GRID2: variants seen among roughly 807,000 people sequenced by gnomAD.
GRID2 encodes glutamate receptor ionotropic, delta-2.
GRID2 carries 33 observed loss-of-function variants against 114.8 expected under a neutral mutation model. The ratio of observed to expected loss-of-function variants is 0.29; its 90% CI spans 0.22 to 0.38. The LOEUF (loss-of-function observed/expected upper bound fraction) is 0.38. Among genes scored for constraint, GRID2 ranks in the 10% least tolerant of loss-of-function variants. The probability of loss-of-function intolerance (pLI) is 1.00; values close to 1 mark genes in which losing one functional copy is unlikely to be tolerated. For missense variants in GRID2, 1,184 were observed against 1,257.7 expected (o/e 0.94, Z 0.89); for synonymous variants, 505 against 449.9 (o/e 1.12, Z -1.55).
chr4:92,617,082 G>A (rs554294738), intron 2 of GRID2, among the ~76,000 whole-genome samples: 85 of 151,042 alleles, frequency 5.6e-4, no homozygotes, highest in Admixed American at 1.8e-3. Context: ...CCTCTCTCTC[G>A]TTATTTGAAA....
intron 12 of GRID2, among the ~76,000 whole-genome samples, chr4:93,497,194 T>C (rs191384880): frequency 1.4e-3 from 209 of 151,894 alleles, no homozygotes; most frequent in Non-Finnish European, 1.9e-3. Context: ...AAAGGTGTTT[T>C]CATGCTTTTT....
intron 14 of GRID2, among the ~76,000 whole-genome samples, chr4:93,701,839 T>C (rs932421488): frequency 3.9e-5 from 6 of 151,984 alleles, no homozygotes; most frequent in Non-Finnish European, 8.8e-5. Flanking sequence ...TACATATATA[T>C]TTTTTAACAT....
At chr4:92,675,116 G>C (rs1733280580) in intron 2 of GRID2, among the ~76,000 whole-genome samples, 1 of 152,100 alleles carries the variant, frequency 6.6e-6, no homozygotes, top group South Asian at 2.1e-4. Flanking sequence ...CCAACAACTT[G>C]ATCTTTTGAG....
chr4:92,701,978 G>T (rs987746677), intron 2 of GRID2, among the ~76,000 whole-genome samples: 1 of 152,162 alleles, frequency 6.6e-6, no homozygotes, highest in African/African-American at 2.4e-5. Flanking sequence ...GGATAACAGC[G>T]CAATCCTATT....
intron 8 of GRID2, among the ~76,000 whole-genome samples, chr4:93,314,189 C>T (rs1463468301): frequency 2.0e-5 from 3 of 151,270 alleles, no homozygotes; most frequent in Non-Finnish European, 4.4e-5. Flanking sequence ...CCTGTAGTCC[C>T]AGCTACTCAG....
Position 92,360,627 on chromosome 4 carries a change from G to A in GRID2, c.88+55883G>A, listed in dbSNP as rs565398479. 7.9e-5 allele frequency among the ~76,000 whole-genome samples: 12 copies of A among 152,068 alleles called. No individual in the cohort carries two copies. The South Asian group carries it at 2.3e-3, about 29-fold the overall frequency. On this transcript the variant is annotated intron_variant, in intron 1 of 15. Transcript: ENST00000282020. ...CCACAGCCACCCAGCATTGTTCAAC[G>A]GTATCATGGAGGCTTCATAAGATTA... is the stretch of plus-strand genomic sequence containing the variant.
intron 8 of GRID2, among the ~76,000 whole-genome samples, chr4:93,251,808 T>G (rs1441589041): frequency 6.6e-6 from 1 of 152,152 alleles, no homozygotes; most frequent in Non-Finnish European, 1.5e-5. Context: ...GATAATGGCC[T>G]CCTTCCATGT....
chr4:92,333,026 A>G (rs72660100), intron 1 of GRID2, among the ~76,000 whole-genome samples: 3,598 of 152,312 alleles, frequency 0.024, 60 homozygotes, highest in Non-Finnish European at 0.033. Flanking sequence ...TCTTGAAGGC[A>G]GCCCTGCCTC....
At chr4:93,279,039 A>G (rs183722141) in intron 8 of GRID2, among the ~76,000 whole-genome samples, 9 of 151,950 alleles carry the variant, frequency 5.9e-5, no homozygotes, top group African/African-American at 1.9e-4. Context: ...GTATCATTTA[A>G]ACAATTAAAC....
intron 1 of GRID2, among the ~76,000 whole-genome samples, chr4:92,312,067 A>G (rs1388691985): frequency 6.6e-6 from 1 of 151,870 alleles, no homozygotes; most frequent in Non-Finnish European, 1.5e-5. Flanking sequence ...ATGAAGAATA[A>G]TTCAGTCAGA....
intron 14 of GRID2, among the ~76,000 whole-genome samples, chr4:93,730,229 T>A (rs1183826204): frequency 2.0e-5 from 3 of 151,954 alleles, no homozygotes; most frequent in Non-Finnish European, 4.4e-5. Context: ...TTAGGAAGAG[T>A]AAAATTGCAG....
At chr4:93,456,089 A>G (rs1560638121) in intron 11 of GRID2, 115 bp downstream of exon 11, 2 of 658,410 alleles carry the variant, frequency 3.0e-6, no homozygotes, top group Admixed American at 2.6e-5. Flanking sequence ...TCTAAAGGGT[A>G]CTCACAGAAA....
intron 13 of GRID2, among the ~76,000 whole-genome samples, chr4:93,596,932 A>AT (rs1286854242): frequency 6.6e-6 from 1 of 152,162 alleles, no homozygotes; most frequent in African/African-American, 2.4e-5. Flanking sequence ...TACTTAATGT[A>AT]TTTGTTTTGA....
chr4:93,372,766 A>G (rs1303203160), intron 8 of GRID2, among the ~76,000 whole-genome samples: 1 of 152,212 alleles, frequency 6.6e-6, no homozygotes, highest in African/African-American at 2.4e-5. Context: ...GCACAATACA[A>G]TAGTATATAT....
At chr4:92,866,630 G>A (rs1472128407) in intron 2 of GRID2, among the ~76,000 whole-genome samples, 1 of 151,418 alleles carries the variant, frequency 6.6e-6, no homozygotes, top group Middle Eastern at 3.4e-3. Context: ...TGCAAGGTCC[G>A]CCTCCCGGGT....
chr4:92,730,799 G>A (rs1159344685), intron 2 of GRID2, among the ~76,000 whole-genome samples: 1 of 151,942 alleles, frequency 6.6e-6, no homozygotes, highest in Non-Finnish European at 1.5e-5. Context: ...TAAGCAATCA[G>A]TTAAATCAGA....
intron 2 of GRID2, among the ~76,000 whole-genome samples, chr4:93,021,032 CAAAAA>C (rs1204464402): frequency 9.5e-6 from 1 of 105,042 alleles, no homozygotes; most frequent in South Asian, 2.9e-4. Context: ...GAATTTGTCT[CAAAAA>C]AAAAAAAAGA....
intron 11 of GRID2, among the ~76,000 whole-genome samples, chr4:93,486,921 C>G (rs1183177097): frequency 6.6e-6 from 1 of 151,668 alleles, no homozygotes; most frequent in Non-Finnish European, 1.5e-5. Context: ...ATTACTCCCT[C>G]ATATATTTGG....
At chr4:93,264,301 T>C (rs2149554587) in intron 8 of GRID2, among the ~76,000 whole-genome samples, 1 of 152,326 alleles carries the variant, frequency 6.6e-6, no homozygotes, top group Middle Eastern at 3.4e-3. Context: ...GGAATGGTTT[T>C]GTCATTTCAA....
Sources: allele counts gnomAD v4.1 joint callset (sites outside exome capture counted in the v4.1 genomes callset), GRCh38; gene constraint gnomAD v4.1.1; transcripts MANE v1.5; gene names NCBI Gene and HGNC (gene_info 2026-07-23, HGNC 2026-07-21).